The following NGB variants were observed in gnomAD, a reference collection of about 807,000 sequenced individuals.
NGB encodes neuroglobin.
In NGB, 12 loss-of-function variants were observed where a neutral mutation model predicts 17.3. That is an observed-to-expected ratio of 0.69 (90% confidence interval 0.45 to 1.13). NGB has a LOEUF of 1.13. Ranked by LOEUF, NGB falls within the 50% of genes most tolerant of loss-of-function variation. NGB has a pLI of 0.00. For missense variants in NGB, 195 were observed against 191.7 expected (o/e 1.02, Z -0.10); for synonymous variants, 87 against 81.0 (o/e 1.07, Z -0.40).
chr14:77,266,472 C>T lies in NGB; in HGVS notation c.*64G>A, dbSNP rs1313493993. ...TGCAGGGAAGCTTGGGGAGCCTGGG[C>T]TACAACAGATACAGGCCAACAGACA... On this transcript the variant is annotated 3_prime_UTR_variant, in exon 4 of 4. Coordinates refer to ENST00000298352, the MANE Select transcript of NGB (RefSeq NM_021257.4). 6 of 1,579,272 alleles carry T rather than the reference C, an allele frequency of 3.8e-6. No individual in the cohort carries two copies. The highest frequency in any genetic ancestry group is 5.2e-6 in the Non-Finnish European group (6 of 1,160,654).
At chr14:77,267,492 G>A (rs1055151907) in intron 3 of NGB, among the ~76,000 whole-genome samples, 1 of 152,118 alleles carries the variant, frequency 6.6e-6, no homozygotes, top group African/African-American at 2.4e-5. Flanking sequence ...AGTGAGCTGT[G>A]ATCACATCAC....
chr14:77,270,699 G>A lies in NGB; in HGVS notation c.89+150C>T, dbSNP rs1889762169. ...CAGAGGGGCTGTGCCACCCGTCGCC[G>A]CGCCCCGCTCCTCTGGCGCACATCT... On this transcript the variant is annotated intron_variant, in intron 1 of 3. Transcript: ENST00000298352. 8.7e-6 allele frequency: 6 copies of A among 692,670 alleles called. No individual in the cohort carries two copies. The South Asian group carries it at 9.1e-5, about 10-fold the overall frequency. 42.9% of individuals were successfully genotyped at this position (692,670 alleles called of 1,614,324 possible). A position where few individuals can be genotyped will look rare whatever the true frequency, so the allele number is the denominator to read the frequency against.
At chr14:77,266,832 T>C (rs1889679341) in intron 3 of NGB, among the ~76,000 whole-genome samples, 162 bp from the exon 4 acceptor site, 1 of 152,170 alleles carries the variant, frequency 6.6e-6, no homozygotes, top group South Asian at 2.1e-4. Flanking sequence ...CCCAAATCCT[T>C]GGGTATCACA....
intron 2 of NGB, 55 bp downstream of exon 2, chr14:77,269,160 C>G: frequency 1.8e-6 from 2 of 1,140,054 alleles, no homozygotes; most frequent in East Asian, 2.6e-5. Flanking sequence ...CATTCTCCAC[C>G]AGGGAGGTGC....
At chr14:77,267,738 A>ACCATC (rs1394095763) in intron 3 of NGB, among the ~76,000 whole-genome samples, 1 of 152,150 alleles carries the variant, frequency 6.6e-6, no homozygotes. Flanking sequence ...CAAGGTGCTC[A>ACCATC]CCATCTGGCA....
At chr14:77,269,133 C>T (rs1889714302) in intron 2 of NGB, 82 bp downstream of exon 2, 1 of 887,400 alleles carries the variant, frequency 1.1e-6, no homozygotes, top group East Asian at 2.7e-5. Context: ...AGACCTGGGG[C>T]AGAAAGTCAT....
chr14:77,268,325 C>T (rs1169799327), intron 3 of NGB, 141 bp downstream of exon 3: 2 of 807,114 alleles, frequency 2.5e-6, no homozygotes, highest in African/African-American at 1.7e-5. Flanking sequence ...GGCCACACAG[C>T]AGGTAACAGA....
At position 77,266,205 on chromosome 14, in the gene NGB, C is replaced by CTCCACCTTTCCAGCTCA. The variant is rs368444357; in HGVS notation, c.*330_*331insTGAGCTGGAAAGGTGGA. ...AGGACAGACAGAAGAGCCCCATCCTCTCCCACCTCCATACCTTTCCAGCTC... is the reference window on the plus strand; with the variant it reads ...AGGACAGACAGAAGAGCCCCATCCTCTCCACCTTTCCAGCTCATCCCACCTCCATACCTTTCCAGCTC... On this transcript the variant is annotated 3_prime_UTR_variant, in exon 4 of 4. Transcript: ENST00000298352. 1,577 of 577,170 alleles carry CTCCACCTTTCCAGCTCA rather than the reference C, an allele frequency of 2.7e-3. 14 individuals are homozygous for CTCCACCTTTCCAGCTCA. Among genetic ancestry groups the CTCCACCTTTCCAGCTCA allele is most frequent in the African/African-American group, 0.019 (1,013 of 53,822 alleles). 35.8% of individuals were successfully genotyped at this position (577,170 alleles called of 1,614,324 possible).
intron 1 of NGB, among the ~76,000 whole-genome samples, chr14:77,270,256 C>T (rs1889752365): frequency 6.6e-6 from 1 of 152,082 alleles, no homozygotes; most frequent in African/African-American, 2.4e-5. Flanking sequence ...TCCCACCCGG[C>T]CTGCACACCC....
intron 3 of NGB, 72 bp from the exon 4 acceptor site, chr14:77,266,742 CTG>C (rs1594875638): frequency 6.4e-7 from 1 of 1,567,218 alleles, no homozygotes; most frequent in Non-Finnish European, 8.7e-7. Flanking sequence ...GGTGAGAAAA[CTG>C]AGGCCTAGGA....
intron 3 of NGB, among the ~76,000 whole-genome samples, chr14:77,266,943 C>T (rs1380022705): frequency 6.6e-6 from 1 of 152,242 alleles, no homozygotes; most frequent in Non-Finnish European, 1.5e-5. Context: ...CAAGACATTG[C>T]CTGGGACCTC....
At position 77,266,149 on chromosome 14, in the gene NGB, C is replaced by T; in HGVS notation, c.*387G>A. On this transcript the variant is annotated 3_prime_UTR_variant, in exon 4 of 4. Transcript: ENST00000298352. Reference sequence around the variant, plus strand: ...GCGCTGGAAGCTCAGCCATCTCACCCCCGCCTTGGCCTGCACTCACCTGAA... The same window carrying T: ...GCGCTGGAAGCTCAGCCATCTCACCTCCGCCTTGGCCTGCACTCACCTGAA... 1 of 517,356 alleles carries T rather than the reference C, an allele frequency of 1.9e-6. No individual in the cohort carries two copies. The highest frequency in any genetic ancestry group is 4.0e-6 in the Non-Finnish European group (1 of 247,260). The allele number at this position is 517,356 out of a possible 1,614,324, so 32.0% of individuals were successfully genotyped here. A position where few individuals can be genotyped will look rare whatever the true frequency, so the allele number is the denominator to read the frequency against.
Position 77,270,889 on chromosome 14 carries a change from TCACTGCCCGC to T in NGB, c.39_48del (p.Trp13Ter). On this transcript the variant is annotated frameshift_variant, in exon 1 of 4. Coordinates refer to ENST00000298352, the MANE Select transcript of NGB (RefSeq NM_021257.4). LOFTEE classifies it high-confidence loss of function. Reference sequence around the variant, plus strand: ...GTGCCGTGCTCCAGCGGGCTGCGGCTCACTGCCCGCCAGCTCTGCCGGATCAGCTCGGGCT... The same window carrying T: ...GTGCCGTGCTCCAGCGGGCTGCGGCTCAGCTCTGCCGGATCAGCTCGGGCT... 6.3e-7 allele frequency: 1 copy of T among 1,585,528 alleles called. No individual in the cohort carries two copies. The highest frequency in any genetic ancestry group is 8.5e-7 in the Non-Finnish European group (1 of 1,172,520).
chr14:77,271,087 T>A lies in NGB; in HGVS notation c.-150A>T. On this transcript the variant is annotated 5_prime_UTR_variant, in exon 1 of 4. In the 5' UTR this introduces an upstream ATG that the reference lacks. Coordinates refer to ENST00000298352, the MANE Select transcript of NGB (RefSeq NM_021257.4). The stretch of plus-strand genomic sequence containing the variant: ...GCCCGGCGGGGGCCGCAGCCGCTCC[T>A]TCCCTGGCGCGGGAGAGAAAAGGCG... 1.8e-6 allele frequency: 1 copy of A among 547,682 alleles called. No homozygotes were observed. The highest frequency in any genetic ancestry group is 3.1e-6 in the Non-Finnish European group (1 of 326,362). 33.9% of individuals were successfully genotyped at this position (547,682 alleles called of 1,614,324 possible). A position where few individuals can be genotyped will look rare whatever the true frequency, so the allele number is the denominator to read the frequency against.
intron 1 of NGB, 52 bp downstream of exon 1, chr14:77,270,797 T>C (rs1594877459): frequency 6.8e-7 from 1 of 1,460,330 alleles, no homozygotes; most frequent in Non-Finnish European, 9.3e-7. Context: ...GTGACCCCTT[T>C]CCCGCCGAGG....
chr14:77,267,016 A>G (rs1889682533), intron 3 of NGB, among the ~76,000 whole-genome samples: 1 of 152,224 alleles, frequency 6.6e-6, no homozygotes, highest in South Asian at 2.1e-4. Flanking sequence ...CAAGGCAGCA[A>G]TGATGGGGTT....
intron 2 of NGB, 128 bp from the exon 3 acceptor site, chr14:77,268,713 G>A: frequency 7.6e-7 from 1 of 1,309,898 alleles, no homozygotes; most frequent in Non-Finnish European, 1.1e-6. Flanking sequence ...CCAAGATCAG[G>A]GGTCAAAGGC....
At position 77,269,740 on chromosome 14, in the gene NGB, T is replaced by G; in HGVS notation, c.90-414A>C. On this transcript the variant is annotated intron_variant, in intron 1 of 3. Transcript: ENST00000298352. ...TCTCTCTCTCTCTTCTCTCTCTCTC[T>G]CTCTCTCTCTCTCTCTCTCTCTCTC... 5.6e-4 allele frequency among the ~76,000 whole-genome samples: 2 copies of G among 3,580 alleles called. 1 individual carries two copies. Among genetic ancestry groups the G allele is most frequent in the Non-Finnish European group, 1.0e-3 (2 of 1,970 alleles). 2.3% of individuals were successfully genotyped at this position (3,580 alleles called of 152,430 possible).
chr14:77,270,848 C>G lies in NGB; in HGVS notation c.89+1G>C, dbSNP rs752220425. 1.3e-6 allele frequency: 2 copies of G among 1,580,510 alleles called. No individual in the cohort carries two copies. Among genetic ancestry groups the G allele is most frequent in the African/African-American group, 2.7e-5 (2 of 73,750 alleles). On this transcript the variant is annotated splice_donor_variant, in intron 1 of 3. Transcript: ENST00000298352. LOFTEE classifies it high-confidence loss of function. ...TCCCCGGGCGCTCGTGTAGCCCTCA[C>G]CTGGCAAACAGGACGGTGCCGTGCT...
Sources: gnomAD v4.1 joint callset for allele counts (sites outside exome capture counted in the v4.1 genomes callset) on GRCh38, gnomAD v4.1.1 for gene constraint, MANE v1.5 for transcripts, NCBI Gene and HGNC (gene_info 2026-07-23, HGNC 2026-07-21) for gene names.